PLAAT3: variants seen among roughly 807,000 people sequenced by gnomAD.
PLAAT3 encodes the protein Ca-independent phospholipase A1/2.
A neutral mutation model predicts 16.7 loss-of-function variants in PLAAT3; 21 were observed. The observed-to-expected ratio is 1.26, with a 90% CI of 0.89 to 1.81. PLAAT3 has a LOEUF of 1.81. Ranked by LOEUF, PLAAT3 falls within the 40% of genes most tolerant of loss-of-function variation. PLAAT3 has a pLI of 0.00. For synonymous variants in PLAAT3, 76 were observed against 81.7 expected, an observed-to-expected ratio of 0.93 and a Z score of 0.38; for missense variants, 219 against 213.7, an observed-to-expected ratio of 1.02 and a Z score of -0.16.
chr11:63,583,388 A>G (rs75665490), intron 4 of PLAAT3, among the ~76,000 whole-genome samples: 2,309 of 152,318 alleles, frequency 0.015, 59 homozygotes, highest in African/African-American at 0.053. Context: ...GAGGAACAAT[A>G]TGTCCCTAGT....
chr11:63,595,290 CGGAAA>C (rs1565252424), intron 3 of PLAAT3, among the ~76,000 whole-genome samples: 1 of 75,780 alleles, frequency 1.3e-5, no homozygotes, highest in Admixed American at 2.0e-4. Context: ...GACTCCGTCT[CGGAAA>C]AAAAAAAAAA....
upstream of PLAAT3, among the ~76,000 whole-genome samples, chr11:63,616,060 G>A (rs114240469): frequency 9.2e-3 from 1,402 of 152,134 alleles, 25 homozygotes; most frequent in African/African-American, 0.032. Context: ...TAACTAAATC[G>A]AGCTAATTAA....
chr11:63,578,532 C>T (rs1279530766), intron 4 of PLAAT3, among the ~76,000 whole-genome samples: 1 of 152,010 alleles, frequency 6.6e-6, no homozygotes, highest in Non-Finnish European at 1.5e-5. Flanking sequence ...AGATATAGAC[C>T]AATGGAACAG....
chr11:63,597,421 G>A (rs1460575233), intron 3 of PLAAT3, among the ~76,000 whole-genome samples: 1 of 152,146 alleles, frequency 6.6e-6, no homozygotes, highest in Non-Finnish European at 1.5e-5. Context: ...AGCTACTCAG[G>A]AGGCTGAGGC....
chr11:63,615,062 ATGTG>A (rs1266606235), upstream of PLAAT3, among the ~76,000 whole-genome samples: 3 of 7,376 alleles, frequency 4.1e-4, 1 homozygote, highest in Non-Finnish European at 2.0e-3. Context: ...GTGTATATAT[ATGTG>A]TGTATATATG....
chr11:63,604,660 G>C (rs1938512633), intron 2 of PLAAT3, among the ~76,000 whole-genome samples: 2 of 152,056 alleles, frequency 1.3e-5, no homozygotes, highest in Non-Finnish European at 2.9e-5. Flanking sequence ...CTACTCAGGA[G>C]GCTGAGGCTG....
chr11:63,613,580 G>T (rs1428120412), intron 2 of PLAAT3, among the ~76,000 whole-genome samples: 1 of 152,236 alleles, frequency 6.6e-6, no homozygotes, highest in South Asian at 2.1e-4. Context: ...CAGGCGGAAG[G>T]GGGGCAGTCG....
At chr11:63,590,455 C>T in intron 3 of PLAAT3, 87 bp from the exon 4 acceptor site, 3 of 1,136,736 alleles carry the variant, frequency 2.6e-6, no homozygotes, top group Non-Finnish European at 3.8e-6. Flanking sequence ...GGCATCTGCC[C>T]TTGGCTCATC....
At chr11:63,615,074 A>G (rs1162629812), upstream of PLAAT3, among the ~76,000 whole-genome samples, 5 of 66,058 alleles carry the variant, frequency 7.6e-5, no homozygotes, top group Admixed American at 2.1e-4. Context: ...GTGTGTATAT[A>G]TGTGTGTATA....
At chr11:63,593,250 G>A (rs550532810) in intron 3 of PLAAT3, among the ~76,000 whole-genome samples, 70 of 152,334 alleles carry the variant, frequency 4.6e-4, no homozygotes, top group African/African-American at 1.6e-3. Context: ...AGACACTATG[G>A]AAAGACAGAG....
At chr11:63,584,546 C>T (rs1437256840) in intron 4 of PLAAT3, among the ~76,000 whole-genome samples, 1 of 143,320 alleles carries the variant, frequency 7.0e-6, no homozygotes, top group African/African-American at 2.6e-5. Context: ...CAGAGTCTTG[C>T]TCAGTCGCCC....
intron 4 of PLAAT3, among the ~76,000 whole-genome samples, chr11:63,584,508 G>GTTTTTTTTTTTTTTTTTTT (rs59460211): frequency 7.1e-6 from 1 of 140,242 alleles, no homozygotes; most frequent in Non-Finnish European, 1.5e-5. Context: ...TTTTTTTTTT[G>GTTTTTTTTTTTTTTTTTTT]TTTTTTTTTG....
chr11:63,614,706 C>T (rs75668261), upstream of PLAAT3, among the ~76,000 whole-genome samples: 1,306 of 152,010 alleles, frequency 8.6e-3, 13 homozygotes, highest in African/African-American at 0.029. Context: ...AGTTTAAAAA[C>T]TGAAGGAGTT....
Position 63,613,983 on chromosome 11 carries a change from C to T in PLAAT3, c.15+17G>A. 1.9e-6 allele frequency: 3 copies of T among 1,547,676 alleles called. No individual in the cohort carries two copies. Among genetic ancestry groups the T allele is most frequent in the African/African-American group, 1.4e-5 (1 of 73,694 alleles). On this transcript the variant is annotated intron_variant, in intron 2 of 4. Coordinates refer to ENST00000415826, the MANE Select transcript of PLAAT3 (RefSeq NM_001128203.2). ...GGGCTCCCAGCCCCGCCCAGCCCCG[C>T]CTCGCCCCGCACTTACAATGGGCGC...
At position 63,614,270 on chromosome 11, in the gene PLAAT3, G is replaced by C. The variant is rs530132540; in HGVS notation, c.-55+115C>G. 3.3e-4 allele frequency: 193 copies of C among 579,840 alleles called. 1 individual carries two copies. Among genetic ancestry groups the C allele is most frequent in the African/African-American group, 3.3e-3 (172 of 52,278 alleles). The allele number at this position is 579,840 out of a possible 1,614,324, so 35.9% of individuals were successfully genotyped here. A position where few individuals can be genotyped will look rare whatever the true frequency, so the allele number is the denominator to read the frequency against. On this transcript the variant is annotated intron_variant, in intron 1 of 4. Coordinates refer to ENST00000415826, the MANE Select transcript of PLAAT3 (RefSeq NM_001128203.2). ...GCAGGTGCCAGCGGGCGGCTCGGCA[G>C]GCTAGTCTACACCCGCCCTACCCAA...
In PLAAT3 at chr11:63,574,710, A is replaced by G. The variant is rs1389818987; in HGVS notation, c.*235T>C. 7.7e-6 allele frequency: 4 copies of G among 521,652 alleles called. No individual in the cohort carries two copies. Among genetic ancestry groups the G allele is most frequent in the Non-Finnish European group, 1.4e-5 (4 of 291,130 alleles). The allele number at this position is 521,652 out of a possible 1,614,324, so 32.3% of individuals were successfully genotyped here. ...AACACAGCACGCAAAAAGAAAGTGA[A>G]AGACAATCCCTGACCAGGAAGACAG... On this transcript the variant is annotated 3_prime_UTR_variant, in exon 5 of 5. Coordinates refer to ENST00000415826, the MANE Select transcript of PLAAT3 (RefSeq NM_001128203.2).
chr11:63,600,467 C>T (rs1247068622), intron 2 of PLAAT3, among the ~76,000 whole-genome samples: 6 of 152,084 alleles, frequency 3.9e-5, no homozygotes, highest in Non-Finnish European at 5.9e-5. Context: ...AACTACAGCA[C>T]GGAAAAGTGA....
rs117236760 is a variant in PLAAT3, at chr11:63,590,361, G to A, written c.126C>T (p.Val42=). ...TGACACTGGCTGCACCAGCTCCTGC[G>A]ACCTCACCTGCAGATCCACAAAGAG... ...YVVHLAPPSE[V]AGAGAASVMS... Residue 42 remains valine (V), a synonymous_variant, in exon 4 of 5, where the codon GTC becomes GTT. Transcript: ENST00000415826. 2.4e-4 allele frequency: 389 copies of A among 1,613,818 alleles called. 1 individual carries two copies. The highest frequency in any genetic ancestry group is 9.9e-4 in the Middle Eastern group (6 of 6,060).
chr11:63,604,958 T>G (rs183943633), intron 2 of PLAAT3, among the ~76,000 whole-genome samples: 3 of 152,222 alleles, frequency 2.0e-5, no homozygotes, highest in African/African-American at 2.4e-5. Context: ...TCCCTCTGGT[T>G]TCTGGGTGCT....
Sources: allele counts gnomAD v4.1 joint callset (sites outside exome capture counted in the v4.1 genomes callset), GRCh38; gene constraint gnomAD v4.1.1; transcripts MANE v1.5; gene names NCBI Gene and HGNC (gene_info 2026-07-23, HGNC 2026-07-21).